DCC: variants seen among roughly 807,000 people sequenced by gnomAD.
DCC encodes the protein netrin receptor DCC.
DCC carries 58 observed loss-of-function variants against 172.5 expected under a neutral mutation model. The observed-to-expected ratio is 0.34, with a 90% CI of 0.27 to 0.42. The LOEUF (loss-of-function observed/expected upper bound fraction) is 0.42, where lower values mean the gene tolerates loss of function less well. DCC is among the 10% of genes least tolerant of loss of function. The pLI is 1.00. For synonymous variants in DCC, 709 were observed against 644.5 expected, an observed-to-expected ratio of 1.10 and a Z score of -1.52; for missense variants, 1,740 against 1,791.0, an observed-to-expected ratio of 0.97 and a Z score of 0.51.
At chr18:52,993,302 G>C (rs986172388) in intron 5 of DCC, among the ~76,000 whole-genome samples, 1 of 152,100 alleles carries the variant, frequency 6.6e-6, no homozygotes, top group African/African-American at 2.4e-5. Flanking sequence ...TTTTACGTAG[G>C]ATGTAACTCC....
intron 1 of DCC, among the ~76,000 whole-genome samples, chr18:52,458,394 G>C (rs542724732): frequency 3.3e-5 from 5 of 152,200 alleles, no homozygotes; most frequent in African/African-American, 1.2e-4. Flanking sequence ...GGGGTACTGG[G>C]TGCAGTACTC....
chr18:52,372,505 A>G (rs139248115), intron 1 of DCC, among the ~76,000 whole-genome samples: 2 of 152,336 alleles, frequency 1.3e-5, no homozygotes, highest in South Asian at 2.1e-4. Context: ...TGTGGAAATT[A>G]GAGCTATTTT....
chr18:53,230,939 G>T (rs1240133930), intron 12 of DCC, among the ~76,000 whole-genome samples: 1 of 151,952 alleles, frequency 6.6e-6, no homozygotes, highest in African/African-American at 2.4e-5. Context: ...TTTCCTTGGG[G>T]TATTATGCAG....
At chr18:52,932,812 A>G (rs555687527) in intron 5 of DCC, among the ~76,000 whole-genome samples, 16 of 152,208 alleles carry the variant, frequency 1.1e-4, no homozygotes, top group African/African-American at 3.6e-4. Flanking sequence ...AACATAGTAT[A>G]TACATATATA....
intron 7 of DCC, among the ~76,000 whole-genome samples, chr18:53,108,344 C>T (rs1358046096): frequency 1.3e-5 from 2 of 151,702 alleles, no homozygotes; most frequent in Non-Finnish European, 2.9e-5. Context: ...TGTATTGAAA[C>T]TTCTTTCTAA....
chr18:52,670,200 T>C (rs1179198854), intron 1 of DCC, among the ~76,000 whole-genome samples: 1 of 152,216 alleles, frequency 6.6e-6, no homozygotes, highest in Non-Finnish European at 1.5e-5. Flanking sequence ...TAAGGTGTAT[T>C]TTCATATAAA....
chr18:53,085,153 C>A (rs1241962810), intron 7 of DCC, among the ~76,000 whole-genome samples: 2 of 152,116 alleles, frequency 1.3e-5, no homozygotes, highest in African/African-American at 4.8e-5. Context: ...CAGGAAGCCA[C>A]AAGGAATTGC....
chr18:52,507,152 TC>T, intron 1 of DCC, among the ~76,000 whole-genome samples: 1 of 152,180 alleles, frequency 6.6e-6, no homozygotes, highest in Non-Finnish European at 1.5e-5. Context: ...TCTCATATCC[TC>T]CCCTATGAGT....
At chr18:52,743,257 G>T (rs2036851677) in intron 1 of DCC, among the ~76,000 whole-genome samples, 1 of 152,136 alleles carries the variant, frequency 6.6e-6, no homozygotes, top group South Asian at 2.1e-4. Flanking sequence ...TTTATAAAAT[G>T]CCATCCCTCT....
At chr18:52,527,430 T>A (rs2032015962) in intron 1 of DCC, among the ~76,000 whole-genome samples, 1 of 152,204 alleles carries the variant, frequency 6.6e-6, no homozygotes, top group East Asian at 1.9e-4. Flanking sequence ...GTTTTATTGG[T>A]TATGATTTAT....
intron 5 of DCC, among the ~76,000 whole-genome samples, chr18:52,976,291 G>A (rs188579214): frequency 6.6e-6 from 1 of 152,032 alleles, no homozygotes; most frequent in Admixed American, 6.5e-5. Context: ...CTCCCATTCT[G>A]TAGGTTGTCT....
At chr18:53,051,192 T>C (rs1394350962) in intron 5 of DCC, among the ~76,000 whole-genome samples, 2 of 152,084 alleles carry the variant, frequency 1.3e-5, no homozygotes, top group Non-Finnish European at 2.9e-5. Flanking sequence ...ATTATACCAT[T>C]GCACTCCAGC....
At chr18:53,332,197 T>C (rs2057536136) in intron 14 of DCC, among the ~76,000 whole-genome samples, 1 of 152,186 alleles carries the variant, frequency 6.6e-6, no homozygotes, top group South Asian at 2.1e-4. Flanking sequence ...AAAACTCCCT[T>C]TTAAGAGTGT....
At chr18:53,078,877 C>T (rs1599105231) in intron 7 of DCC, among the ~76,000 whole-genome samples, 1 of 152,058 alleles carries the variant, frequency 6.6e-6, no homozygotes, top group Non-Finnish European at 1.5e-5. Context: ...TTAAAACACA[C>T]GTCATTATAA....
intron 11 of DCC, among the ~76,000 whole-genome samples, chr18:53,208,214 G>T (rs1170608624): frequency 6.6e-6 from 1 of 151,248 alleles, no homozygotes; most frequent in African/African-American, 2.4e-5. Context: ...GTTCAAGACT[G>T]CAGTAAGCTG....
At chr18:53,405,330 T>G (rs1204322252) in intron 19 of DCC, among the ~76,000 whole-genome samples, 1 of 152,146 alleles carries the variant, frequency 6.6e-6, no homozygotes, top group Non-Finnish European at 1.5e-5. Flanking sequence ...TAGAGCAGGA[T>G]AGTTAAGAAC....
intron 5 of DCC, among the ~76,000 whole-genome samples, chr18:52,938,520 T>C (rs1403654948): frequency 1.3e-5 from 2 of 151,982 alleles, no homozygotes; most frequent in East Asian, 3.9e-4. Context: ...TGAGGGGAGC[T>C]CAAGAATCAT....
rs556092076 is a variant in DCC, at chr18:52,636,480, G to C, written c.92-115574G>C. 9.9e-5 allele frequency among the ~76,000 whole-genome samples: 15 copies of C among 152,200 alleles called. No individual in the cohort carries two copies. In the East Asian group the frequency reaches 2.9e-3, roughly 29 times the overall value. ...TGCTCTCTGCCTGGGAAAGGTCTGG[G>C]GGCTGTTGGGGCAGACACAGTGGAA... On this transcript the variant is annotated intron_variant, in intron 1 of 28. Coordinates refer to ENST00000442544, the MANE Select transcript of DCC (RefSeq NM_005215.4).
At chr18:52,478,807 A>G (rs1186410493) in intron 1 of DCC, among the ~76,000 whole-genome samples, 1 of 152,130 alleles carries the variant, frequency 6.6e-6, no homozygotes, top group Non-Finnish European at 1.5e-5. Flanking sequence ...GGGTTAAAGC[A>G]CTCATGAGAA....
Sources: gnomAD v4.1 joint callset for allele counts (sites outside exome capture counted in the v4.1 genomes callset) on GRCh38, gnomAD v4.1.1 for gene constraint, MANE v1.5 for transcripts, NCBI Gene and HGNC (gene_info 2026-07-23, HGNC 2026-07-21) for gene names.